The following DPP8 variants were observed in gnomAD, a reference collection of about 807,000 sequenced individuals.
DPP8 encodes the protein DPP VIII.
In DPP8, 31 loss-of-function variants were observed where a neutral mutation model predicts 107.5. That is an observed-to-expected ratio of 0.29 (90% CI 0.22 to 0.39). The LOEUF (loss-of-function observed/expected upper bound fraction) is 0.39. Among genes scored for constraint, DPP8 ranks in the 10% least tolerant of loss-of-function variants. The pLI is 1.00. For synonymous variants in DPP8, 381 were observed against 356.6 expected, an observed-to-expected ratio of 1.07 and a Z score of -0.77; for missense variants, 842 against 1,076.1, an observed-to-expected ratio of 0.78 and a Z score of 3.04.
intron 17 of DPP8, among the ~76,000 whole-genome samples, chr15:65,452,870 G>A (rs618073): frequency 0.34 from 51,567 of 151,766 alleles, 10,133 homozygotes; most frequent in East Asian, 0.77. Flanking sequence ...TACTTGGGAG[G>A]CTGAAGCACG....
chr15:65,460,298 C>G (rs556743802), intron 15 of DPP8, among the ~76,000 whole-genome samples: 353 of 152,088 alleles, frequency 2.3e-3, no homozygotes, highest in Non-Finnish European at 3.9e-3. Context: ...AAAAAATTAG[C>G]CAGGCATGGT....
At position 65,478,945 on chromosome 15, in the gene DPP8, T is replaced by A. The variant is rs990331313; in HGVS notation, c.1391A>T (p.Tyr464Phe). ...SECKTGFRHL[Y>F]KITSILKESK... ...TTCCTTTAAAATAGATGTAATTTTG[T>A]ATAAATGACGGAAACCTGTTTTGCA... Residue 464 changes from tyrosine to phenylalanine, a missense_variant, in exon 11 of 20, where the codon TAC becomes TTC. By Grantham distance (22) the Tyr-to-Phe change is conservative (BLOSUM62 3). Coordinates refer to ENST00000300141, the MANE Select transcript of DPP8 (RefSeq NM_130434.5). 3 of 1,597,316 alleles carry A rather than the reference T, an allele frequency of 1.9e-6. No homozygotes were observed. In the African/African-American group the frequency reaches 4.0e-5, roughly 22 times the overall value.
At chr15:65,506,963 T>C (rs1567287896) in intron 3 of DPP8, among the ~76,000 whole-genome samples, 1 of 152,014 alleles carries the variant, frequency 6.6e-6, no homozygotes, top group Non-Finnish European at 1.5e-5. Context: ...TTCTTTTCTG[T>C]GAACAACTCC....
At chr15:65,512,239 C>T in intron 2 of DPP8, 56 bp downstream of exon 2, 3 of 1,531,356 alleles carry the variant, frequency 2.0e-6, no homozygotes, top group Admixed American at 3.7e-5. Flanking sequence ...TATACCTAGA[C>T]TTTAAGTTTG....
intron 2 of DPP8, among the ~76,000 whole-genome samples, chr15:65,508,138 G>T (rs566582177): frequency 2.6e-5 from 4 of 151,974 alleles, no homozygotes; most frequent in African/African-American, 9.7e-5. Flanking sequence ...TATTTGGGTG[G>T]CTGAGGCAGG....
chr15:65,476,350 A>G (rs2066390057), intron 11 of DPP8, among the ~76,000 whole-genome samples: 1 of 152,196 alleles, frequency 6.6e-6, no homozygotes, highest in Admixed American at 6.5e-5. Flanking sequence ...ACATAAAATT[A>G]TATGTTAACA....
At chr15:65,487,876 A>T in intron 6 of DPP8, 58 bp from the exon 7 acceptor site, 1 of 1,177,264 alleles carries the variant, frequency 8.5e-7, no homozygotes, top group African/African-American at 1.6e-5. Flanking sequence ...AGTAGTCATA[A>T]CCAACCGTTC....
intron 9 of DPP8, among the ~76,000 whole-genome samples, chr15:65,481,305 G>C (rs931672544): frequency 6.6e-6 from 1 of 152,152 alleles, no homozygotes; most frequent in African/African-American, 2.4e-5. Flanking sequence ...TGAGTATAAA[G>C]ACAGAATTCA....
intron 18 of DPP8, 54 bp downstream of exon 18, chr15:65,451,906 C>T: frequency 6.8e-7 from 1 of 1,477,216 alleles, no homozygotes; most frequent in Non-Finnish European, 9.0e-7. Context: ...GCCTAAGTGA[C>T]AGAGTGAGAC....
intron 4 of DPP8, 100 bp downstream of exon 4, chr15:65,500,506 A>G: frequency 1.1e-6 from 1 of 869,974 alleles, no homozygotes; most frequent in Non-Finnish European, 1.8e-6. Context: ...TTGGTGGGTA[A>G]ACTGAAGTTG....
chr15:65,509,662 G>C (rs1426007403), intron 2 of DPP8, among the ~76,000 whole-genome samples: 1 of 152,114 alleles, frequency 6.6e-6, no homozygotes, highest in Non-Finnish European at 1.5e-5. Context: ...CTAAATAATA[G>C]AGCTTCTTCT....
intron 6 of DPP8, among the ~76,000 whole-genome samples, chr15:65,489,864 C>T (rs923330162): frequency 2.0e-5 from 3 of 152,030 alleles, no homozygotes; most frequent in Non-Finnish European, 2.9e-5. Context: ...ATTACAGGCG[C>T]GTGCTACCAT....
chr15:65,517,238 A>C (rs911506357), intron 1 of DPP8: 20 of 152,242 alleles, frequency 1.3e-4, no homozygotes, highest in African/African-American at 4.6e-4. Context: ...CCAGAGCTCA[A>C]GGGGCGCCCA....
rs1595968592 is a variant in DPP8 at position 65,478,862 on chromosome 15, A to T, written c.1456+18T>A. ...TTCCAACATTTTTTCTTTTTTTAAA[A>T]TAAAATGGATTTCTTACTTGGAGCA... is the stretch of plus-strand genomic sequence containing the variant. On this transcript the variant is annotated intron_variant, in intron 11 of 19. Coordinates refer to ENST00000300141, the MANE Select transcript of DPP8 (RefSeq NM_130434.5). 1 of 1,544,956 alleles carries T rather than the reference A, an allele frequency of 6.5e-7. No individual in the cohort carries two copies. Among genetic ancestry groups the T allele is most frequent in the Admixed American group, 2.2e-5 (1 of 45,312 alleles).
At chr15:65,457,523 C>T (rs1213528386) in intron 15 of DPP8, among the ~76,000 whole-genome samples, 1 of 151,864 alleles carries the variant, frequency 6.6e-6, no homozygotes, top group Non-Finnish European at 1.5e-5. Flanking sequence ...ACCACCATGC[C>T]TGGCTAATTT....
At chr15:65,467,525 A>G (rs2065470358) in intron 12 of DPP8, among the ~76,000 whole-genome samples, 1 of 152,098 alleles carries the variant, frequency 6.6e-6, no homozygotes. Flanking sequence ...ACAAGCATAC[A>G]CCACCATGCC....
intron 16 of DPP8, chr15:65,455,902 A>G: frequency 1.7e-6 from 2 of 1,208,110 alleles, no homozygotes; most frequent in Non-Finnish European, 2.2e-6. Flanking sequence ...CCCTCTTCAC[A>G]GAGGACAGAA....
intron 5 of DPP8, among the ~76,000 whole-genome samples, chr15:65,496,797 C>T (rs1234725162): frequency 6.6e-6 from 1 of 151,578 alleles, no homozygotes; most frequent in African/African-American, 2.4e-5. Flanking sequence ...ACTACTGGCA[C>T]GTGCCACCAC....
chr15:65,455,939 T>C (rs929678574), intron 16 of DPP8: 1 of 1,022,874 alleles, frequency 9.8e-7, no homozygotes, highest in African/African-American at 1.6e-5. Flanking sequence ...CTCAACTGTG[T>C]ACAGGATGCT....
Sources: allele counts gnomAD v4.1 joint callset (sites outside exome capture counted in the v4.1 genomes callset), GRCh38; gene constraint gnomAD v4.1.1; transcripts MANE v1.5; gene names NCBI Gene and HGNC (gene_info 2026-07-23, HGNC 2026-07-21).